The following PIWIL4 variants were observed in gnomAD, a reference collection of about 807,000 sequenced individuals.
PIWIL4 encodes piwi-like protein 4.
PIWIL4 carries 50 observed loss-of-function variants against 100.9 expected under a neutral mutation model. The ratio of observed to expected loss-of-function variants is 0.50; its 90% CI spans 0.39 to 0.63. The LOEUF is 0.63. Ranked by LOEUF, PIWIL4 falls within the 20% of genes least tolerant of loss-of-function variation. The pLI is 0.00. For synonymous variants in PIWIL4, 342 were observed against 367.5 expected, an observed-to-expected ratio of 0.93 and a Z score of 0.79; for missense variants, 887 against 1,043.3, an observed-to-expected ratio of 0.85 and a Z score of 2.06.
chr11:94,590,574 ACC>A (rs1339758094), intron 8 of PIWIL4, among the ~76,000 whole-genome samples: 2 of 152,136 alleles, frequency 1.3e-5, no homozygotes, highest in Admixed American at 6.5e-5. Context: ...TTGCATGAAT[ACC>A]CTGCAGGCAT....
chr11:94,569,143 C>A (rs1467307228), intron 2 of PIWIL4, among the ~76,000 whole-genome samples: 1 of 152,056 alleles, frequency 6.6e-6, no homozygotes, highest in Non-Finnish European at 1.5e-5. Context: ...GGGTATCTAC[C>A]CAAAGGAAAA....
intron 4 of PIWIL4, among the ~76,000 whole-genome samples, chr11:94,580,632 G>A (rs1473780965): frequency 2.1e-5 from 3 of 142,272 alleles, no homozygotes; most frequent in South Asian, 2.1e-4. Context: ...TTTCAATTTC[G>A]AATAAAAGTT....
In PIWIL4 at chr11:94,589,193, G is replaced by C. The variant is rs749315935; in HGVS notation, c.987G>C (p.Arg329=). The C allele has an allele frequency of 6.2e-7, 1 of 1,611,536 alleles. No individual in the cohort carries two copies. Among genetic ancestry groups the C allele is most frequent in the Non-Finnish European group, 8.5e-7 (1 of 1,177,768 alleles). Residue 329 remains arginine (R), a synonymous_variant, in exon 8 of 20, where the codon CGG becomes CGC. Coordinates refer to ENST00000299001, the MANE Select transcript of PIWIL4 (RefSeq NM_152431.3). ...SVKPTHTFQK[R]DGTEITYVDY... ...AGCCCACACACACCTTTCAGAAGCG[G>C]GATGGCACCGAGATCACCTATGTGG...
At chr11:94,582,551 T>C (rs1833734682) in intron 4 of PIWIL4, among the ~76,000 whole-genome samples, 1 of 152,228 alleles carries the variant, frequency 6.6e-6, no homozygotes, top group East Asian at 1.9e-4. Flanking sequence ...TGACTTTATC[T>C]AATTGCTTAT....
intron 19 of PIWIL4, 120 bp from the exon 20 acceptor site, chr11:94,620,753 CTGT>C (rs1948896342): frequency 3.0e-6 from 2 of 658,406 alleles, no homozygotes; most frequent in Non-Finnish European, 5.1e-6. Flanking sequence ...TTGAGGTTAC[CTGT>C]TGTTTACCCA....
At chr11:94,615,397 AC>A (rs1288323509) in intron 15 of PIWIL4, among the ~76,000 whole-genome samples, 2 of 152,090 alleles carry the variant, frequency 1.3e-5, no homozygotes, top group Admixed American at 6.5e-5. Context: ...TCTTTGTGTT[AC>A]CCTCTTTAAT....
Position 94,575,238 on chromosome 11 carries a change from T to C in PIWIL4, c.298+108T>C, listed in dbSNP as rs989298734. 5 of 1,159,800 alleles carry C rather than the reference T, an allele frequency of 4.3e-6. No homozygotes were observed. The African/African-American group carries it at 4.7e-5, about 11-fold the overall frequency. The allele number at this position is 1,159,800 out of a possible 1,614,324, so 71.8% of individuals were successfully genotyped here. A position where few individuals can be genotyped will look rare whatever the true frequency, so the allele number is the denominator to read the frequency against. The stretch of plus-strand genomic sequence containing the variant: ...AGTTCATATGTTTGCTTAACAGATA[T>C]TTACTGATTGTCTTCTATGTTCAAG... On this transcript the variant is annotated intron_variant, in intron 3 of 19. Coordinates refer to ENST00000299001, the MANE Select transcript of PIWIL4 (RefSeq NM_152431.3).
chr11:94,583,044 ATGTG>A (rs58072951), intron 4 of PIWIL4, among the ~76,000 whole-genome samples: 24 of 133,890 alleles, frequency 1.8e-4, no homozygotes, highest in East Asian at 1.6e-3. Context: ...ATATATATAT[ATGTG>A]TGTGTGTGTG....
Position 94,587,173 on chromosome 11 carries a change from C to CT in PIWIL4, c.841dup (p.Cys281LeufsTer14). On this transcript the variant is annotated frameshift_variant, in exon 7 of 20. Transcript: ENST00000299001. LOFTEE classifies it high-confidence loss of function. Reference sequence around the variant, plus strand: ...CGGTTCTGGAATTCATGACTGCTCTCTGTCAAAGAACTGGCTTGTCCTGTT... The same window carrying CT: ...CGGTTCTGGAATTCATGACTGCTCTCTTGTCAAAGAACTGGCTTGTCCTGTT... 1 of 1,614,180 alleles carries CT rather than the reference C, an allele frequency of 6.2e-7. No individual in the cohort carries two copies. The highest frequency in any genetic ancestry group is 8.5e-7 in the Non-Finnish European group (1 of 1,180,016).
chr11:94,590,580 C>T (rs1390299374), intron 8 of PIWIL4, among the ~76,000 whole-genome samples: 2 of 152,148 alleles, frequency 1.3e-5, no homozygotes, highest in African/African-American at 4.8e-5. Context: ...GAATACCCTG[C>T]AGGCATCTCA....
rs1031392227 is a variant in PIWIL4 at position 94,568,933 on chromosome 11, C to G, written c.166+125C>G. ...CCTGATTTCCTTTCCTTGAAGGATC[C>G]CCTTTGTCATGTTCCTTTGGGACTC... On this transcript the variant is annotated intron_variant, in intron 2 of 19. Transcript: ENST00000299001. The G allele has an allele frequency of 7.5e-6, 6 of 798,990 alleles. No individual in the cohort carries two copies. The South Asian group carries it at 8.5e-5, about 11-fold the overall frequency. The allele number at this position is 798,990 out of a possible 1,614,324, so 49.5% of individuals were successfully genotyped here.
chr11:94,598,438 G>A (rs1948587669), intron 11 of PIWIL4, among the ~76,000 whole-genome samples: 2 of 152,178 alleles, frequency 1.3e-5, no homozygotes, highest in African/African-American at 2.4e-5. Flanking sequence ...AGTACTTGGG[G>A]AGAGAGGCAT....
chr11:94,607,708 G>A, intron 14 of PIWIL4, 69 bp downstream of exon 14: 1 of 1,421,328 alleles, frequency 7.0e-7, no homozygotes, highest in Non-Finnish European at 9.6e-7. Flanking sequence ...AGTAGGAGAT[G>A]TTATCACATG....
At position 94,585,432 on chromosome 11, in the gene PIWIL4, A is replaced by T. The variant is rs1213114910; in HGVS notation, c.636-13A>T. 6.3e-7 allele frequency: 1 copy of T among 1,597,912 alleles called. No individual in the cohort carries two copies. The highest frequency in any genetic ancestry group is 1.3e-5 in the African/African-American group (1 of 74,108). ...CTGATATTTACCAAAAATTCAAAAAAATATACTTGCAGGATCCTCAAAAAG... is the reference window on the plus strand; with the variant it reads ...CTGATATTTACCAAAAATTCAAAAATATATACTTGCAGGATCCTCAAAAAG... On this transcript the variant is annotated splice_polypyrimidine_tract_variant and intron_variant, in intron 5 of 19. Coordinates refer to ENST00000299001, the MANE Select transcript of PIWIL4 (RefSeq NM_152431.3).
At chr11:94,612,834 TTA>T (rs1470042237) in intron 15 of PIWIL4, among the ~76,000 whole-genome samples, 5 of 152,176 alleles carry the variant, frequency 3.3e-5, no homozygotes, top group Admixed American at 6.5e-5. Context: ...CCCCTACATT[TTA>T]TGTTTTAGAT....
chr11:94,592,979 G>A (rs1948506693), intron 8 of PIWIL4, among the ~76,000 whole-genome samples: 1 of 152,138 alleles, frequency 6.6e-6, no homozygotes, highest in Non-Finnish European at 1.5e-5. Flanking sequence ...GAAGAGCTGG[G>A]GATCAGATTC....
chr11:94,614,121 AT>A (rs937476668), intron 15 of PIWIL4, among the ~76,000 whole-genome samples: 73 of 144,732 alleles, frequency 5.0e-4, no homozygotes, highest in South Asian at 8.8e-4. Flanking sequence ...TTGTTTCTGT[AT>A]TTTTTTTTTA....
chr11:94,617,846 C>A (rs979569164), intron 16 of PIWIL4, 108 bp from the exon 17 acceptor site: 1 of 1,191,332 alleles, frequency 8.4e-7, no homozygotes, highest in Non-Finnish European at 1.2e-6. Flanking sequence ...CCCTATTTTA[C>A]AGTGGTCTGA....
chr11:94,570,437 G>A (rs1948135800), intron 2 of PIWIL4, among the ~76,000 whole-genome samples: 1 of 151,848 alleles, frequency 6.6e-6, no homozygotes, highest in African/African-American at 2.4e-5. Flanking sequence ...TATGACAACA[G>A]TCATACTGGA....
Sources: allele counts gnomAD v4.1 joint callset (sites outside exome capture counted in the v4.1 genomes callset), GRCh38; gene constraint gnomAD v4.1.1; transcripts MANE v1.5; gene names NCBI Gene and HGNC (gene_info 2026-07-23, HGNC 2026-07-21).